RELN: variants seen among roughly 807,000 people sequenced by gnomAD.
The protein encoded by RELN is reelin.
RELN carries 108 observed loss-of-function variants against 427.6 expected under a neutral mutation model. That is an observed-to-expected ratio of 0.25 (90% CI 0.22 to 0.30). The LOEUF (loss-of-function observed/expected upper bound fraction) is 0.30, where lower values mean the gene tolerates loss of function less well. RELN is among the 10% of genes least tolerant of loss of function. RELN has a pLI of 1.00. For missense variants in RELN, 3,715 were observed against 4,302.8 expected (o/e 0.86, Z 3.82); for synonymous variants, 1,524 against 1,513.4 (o/e 1.01, Z -0.16).
chr7:103,593,109 A>G (rs1047964495), intron 27 of RELN, among the ~76,000 whole-genome samples: 6 of 152,166 alleles, frequency 3.9e-5, no homozygotes, highest in Admixed American at 1.3e-4. Context: ...CACCTATGGG[A>G]TTTTATTATA....
In RELN at chr7:103,605,562, C is replaced by T. The variant is rs138166758; in HGVS notation, c.3009-1079G>A. On this transcript the variant is annotated intron_variant, in intron 22 of 64. Transcript: ENST00000428762. ...TTTTAAAATTATAGCATATTTTTCA[C>T]CTGTAGGAATTTTCAGGGACCTGTG... Among the ~76,000 whole-genome samples, 495 of 152,220 alleles carry T rather than the reference C, an allele frequency of 3.3e-3. 7 individuals are homozygous for T. Among genetic ancestry groups the T allele is most frequent in the African/African-American group, 0.011 (473 of 41,540 alleles).
At position 103,654,126 on chromosome 7, in the gene RELN, T is replaced by C. The variant is rs115637425; in HGVS notation, c.1521A>G (p.Ile507Met). 32 of 1,603,072 alleles carry C rather than the reference T, an allele frequency of 2.0e-5. No individual in the cohort carries two copies. The East Asian group carries it at 7.2e-4, about 36-fold the overall frequency. ...YAKIEGRKEH[I>M]TLDTLSYSSY... ...AGGAATAGGAAAGGGTATCCAGTGTTATATGCTCTTTTCTTCCTTCAATTT... is the reference window on the plus strand; with the variant it reads ...AGGAATAGGAAAGGGTATCCAGTGTCATATGCTCTTTTCTTCCTTCAATTT... The change falls in exon 13 of 65, where the codon ATA becomes ATG. Residue 507 changes from isoleucine (I) to methionine (M), a missense_variant. Physicochemically the swap from Ile to Met is conservative, Grantham distance 10 (BLOSUM62 1). Transcript: ENST00000428762.
At chr7:103,637,402 A>G (rs1361859585) in intron 17 of RELN, among the ~76,000 whole-genome samples, 23 of 152,172 alleles carry the variant, frequency 1.5e-4, no homozygotes, top group Non-Finnish European at 3.2e-4. Flanking sequence ...CAATGAAGTG[A>G]TACTATGGCA....
intron 28 of RELN, among the ~76,000 whole-genome samples, chr7:103,581,011 C>T (rs140457858): frequency 7.0e-4 from 107 of 152,210 alleles, no homozygotes; most frequent in African/African-American, 2.5e-3. Context: ...AAGGGGTGCA[C>T]AGCTGGAGAT....
At chr7:103,920,835 A>G (rs756993421) in intron 1 of RELN, among the ~76,000 whole-genome samples, 6 of 152,148 alleles carry the variant, frequency 3.9e-5, no homozygotes, top group East Asian at 1.9e-4. Flanking sequence ...CAGCCTCCCA[A>G]AATGCTGGGA....
intron 12 of RELN, among the ~76,000 whole-genome samples, chr7:103,654,966 A>G (rs1024324868): frequency 2.6e-5 from 4 of 151,960 alleles, no homozygotes; most frequent in Non-Finnish European, 5.9e-5. Context: ...CATTCCATCA[A>G]TAATTCTTTT....
intron 2 of RELN, among the ~76,000 whole-genome samples, chr7:103,895,415 C>A (rs1794938969): frequency 6.6e-6 from 1 of 152,052 alleles, no homozygotes; most frequent in Non-Finnish European, 1.5e-5. Context: ...CCTAGTTTAC[C>A]ATCTGTTTGG....
chr7:103,700,755 C>A (rs941939732), intron 9 of RELN, among the ~76,000 whole-genome samples, 155 bp downstream of exon 9: 4 of 152,136 alleles, frequency 2.6e-5, no homozygotes, highest in African/African-American at 7.2e-5. Context: ...CCGAGCAGGG[C>A]TGGTCATAAT....
intron 1 of RELN, among the ~76,000 whole-genome samples, chr7:103,962,401 C>T (rs1422481095): frequency 1.3e-5 from 2 of 152,118 alleles, no homozygotes; most frequent in Admixed American, 6.6e-5. Context: ...GTGGCCTTCC[C>T]TCTCTTTGCT....
intron 6 of RELN, among the ~76,000 whole-genome samples, chr7:103,729,401 G>T (rs571383721): frequency 6.6e-6 from 1 of 152,264 alleles, no homozygotes; most frequent in East Asian, 1.9e-4. Context: ...TCAAAAATTG[G>T]CAAAGAAATG....
chr7:103,502,423 TAGAAG>T (rs1829063434), intron 52 of RELN, among the ~76,000 whole-genome samples: 1 of 152,256 alleles, frequency 6.6e-6, no homozygotes, highest in Non-Finnish European at 1.5e-5. Context: ...ACTTTTAAAG[TAGAAG>T]AGAAATCTTT....
intron 53 of RELN, among the ~76,000 whole-genome samples, 176 bp downstream of exon 53, chr7:103,500,569 A>G (rs1236342373): frequency 1.3e-5 from 2 of 152,166 alleles, no homozygotes; most frequent in East Asian, 1.9e-4. Context: ...CTAGAACTTG[A>G]TCCTAATATT....
rs146566475 is a variant in RELN at position 103,698,804 on chromosome 7, C to T, written c.903-711G>A. 4.6e-5 allele frequency among the ~76,000 whole-genome samples: 7 copies of T among 152,214 alleles called. No homozygotes were observed. In the East Asian group the frequency reaches 5.8e-4, roughly 13 times the overall value. On this transcript the variant is annotated intron_variant, in intron 9 of 64. Transcript: ENST00000428762. ...TGTTGGGGCTGCTAGAGTGAGCCAC[C>T]GTGCCTGGCAAAGCTGTGATCTTAA...
chr7:103,482,735 C>G, intron 63 of RELN, 138 bp downstream of exon 63: 1 of 1,535,678 alleles, frequency 6.5e-7, no homozygotes. Context: ...CTTGCAGTTG[C>G]AAAAGAGTGT....
intron 49 of RELN, among the ~76,000 whole-genome samples, chr7:103,517,801 T>C (rs1421249958): frequency 1.3e-5 from 2 of 152,214 alleles, no homozygotes; most frequent in Non-Finnish European, 2.9e-5. Flanking sequence ...ATTCTCCCTT[T>C]CTTCCTTCCT....
intron 7 of RELN, among the ~76,000 whole-genome samples, chr7:103,727,139 C>T (rs1427363536): frequency 6.6e-6 from 1 of 152,100 alleles, no homozygotes; most frequent in East Asian, 1.9e-4. Context: ...ATCTAGGCAC[C>T]CCCTGCCCCA....
At chr7:103,501,040 T>TAAATAACTAG in intron 52 of RELN, 118 bp from the exon 53 acceptor site, 3 of 877,114 alleles carry the variant, frequency 3.4e-6, no homozygotes, top group Non-Finnish European at 5.6e-6. Context: ...TCTTACTAGA[T>TAAATAACTAG]GAAATAGGTT....
At position 103,472,622 on chromosome 7, in the gene RELN, T is replaced by C. The variant is rs1028836817; in HGVS notation, c.*190A>G. 1.4e-5 allele frequency: 8 copies of C among 589,196 alleles called. No homozygotes were observed. Among genetic ancestry groups the C allele is most frequent in the African/African-American group, 1.3e-4 (7 of 53,642 alleles). 36.5% of individuals were successfully genotyped at this position (589,196 alleles called of 1,614,324 possible). On this transcript the variant is annotated 3_prime_UTR_variant, in exon 65 of 65. Coordinates refer to ENST00000428762, the MANE Select transcript of RELN (RefSeq NM_005045.4). The stretch of plus-strand genomic sequence containing the variant: ...ACATCAACATGAAGACATTTACTTA[T>C]GAGCAAATAAGTCACTTGTCATTAG...
At chr7:103,607,194 T>C (rs767870353) in intron 22 of RELN, among the ~76,000 whole-genome samples, 11 of 151,906 alleles carry the variant, frequency 7.2e-5, no homozygotes, top group African/African-American at 9.7e-5. Context: ...TGTATACATA[T>C]GTAACAAACC....
Sources: gnomAD v4.1 joint callset for allele counts (sites outside exome capture counted in the v4.1 genomes callset) on GRCh38, gnomAD v4.1.1 for gene constraint, MANE v1.5 for transcripts, NCBI Gene and HGNC (gene_info 2026-07-23, HGNC 2026-07-21) for gene names.